The following SLC4A4 variants were observed in gnomAD, a reference collection of about 807,000 sequenced individuals.
SLC4A4 encodes solute carrier family 4 member 4, also known as electrogenic sodium bicarbonate cotransporter 1.
Under a neutral mutation model 111.5 loss-of-function variants are expected in SLC4A4, and 27 were observed. The observed-to-expected ratio is 0.24, with a 90% CI of 0.18 to 0.33. The LOEUF is 0.33. Ranked by LOEUF, SLC4A4 falls within the 10% of genes least tolerant of loss-of-function variation. The pLI, the probability that SLC4A4 is intolerant of heterozygous loss-of-function variation, is 1.00. For synonymous variants in SLC4A4, 443 were observed against 463.4 expected (o/e 0.96, Z 0.57); for missense variants, 909 against 1,315.5 (o/e 0.69, Z 4.78).
At chr4:71,096,379 G>A (rs534602961) in intron 2 of SLC4A4, among the ~76,000 whole-genome samples, 2 of 152,256 alleles carry the variant, frequency 1.3e-5, no homozygotes, top group African/African-American at 4.8e-5. Context: ...CTGACATTTA[G>A]TTGACAGGCA....
intron 2 of SLC4A4, among the ~76,000 whole-genome samples, chr4:71,243,497 A>G (rs1236663896): frequency 6.6e-6 from 1 of 152,166 alleles, no homozygotes; most frequent in Non-Finnish European, 1.5e-5. Flanking sequence ...TGTTGCTGTC[A>G]TGAGCTTGCT....
intron 18 of SLC4A4, among the ~76,000 whole-genome samples, chr4:71,545,295 T>C (rs1372401366): frequency 6.6e-6 from 1 of 151,936 alleles, no homozygotes; most frequent in Non-Finnish European, 1.5e-5. Flanking sequence ...AGGAGAGCAG[T>C]GTTGTGACGA....
rs368792873 is a variant in SLC4A4, at chr4:71,175,471, C to T, written c.-1-61105C>T. On this transcript the variant is annotated intron_variant, in intron 2 of 26. Coordinates refer to the SLC4A4 transcript ENST00000649996. Reference sequence around the variant, plus strand: ...AGATGACACCTGGAAAATTGGGTGACTCCCACCCTAATACTGCACTTTTCC... The same window carrying T: ...AGATGACACCTGGAAAATTGGGTGATTCCCACCCTAATACTGCACTTTTCC... Among the ~76,000 whole-genome samples the T allele has an allele frequency of 1.6e-3, 247 of 152,354 alleles. 1 individual carries two copies. The highest frequency in any genetic ancestry group is 5.6e-3 in the African/African-American group (234 of 41,578).
chr4:71,371,245 CTTT>C (rs71213506), intron 6 of SLC4A4, among the ~76,000 whole-genome samples: 5 of 120,032 alleles, frequency 4.2e-5, no homozygotes, highest in Admixed American at 2.9e-4. Context: ...CCAGGAATGC[CTTT>C]TTTTTTTTTT....
At chr4:71,068,868 G>T (rs1242254512) in intron 1 of SLC4A4, among the ~76,000 whole-genome samples, 1 of 152,122 alleles carries the variant, frequency 6.6e-6, no homozygotes, top group Non-Finnish European at 1.5e-5. Context: ...CTTAACATGG[G>T]ACAGCCATTT....
At position 71,377,086 on chromosome 4, in the gene SLC4A4, A is replaced by C. The variant is rs1028950972; in HGVS notation, c.730+19899A>C. On this transcript the variant is annotated intron_variant, in intron 6 of 25. Transcript: ENST00000264485. ...GGTTTATTGTTAAAGTGAATTAATG[A>C]ATAAATATTTAAAAATTTTTAGTTT... 2.0e-5 allele frequency among the ~76,000 whole-genome samples: 3 copies of C among 152,386 alleles called. No homozygotes were observed. The South Asian group carries it at 6.2e-4, about 32-fold the overall frequency.
At chr4:71,322,745 A>G (rs2148868473) in intron 3 of SLC4A4, among the ~76,000 whole-genome samples, 2 of 152,108 alleles carry the variant, frequency 1.3e-5, no homozygotes, top group Middle Eastern at 6.8e-3. Context: ...GGTGGTTATA[A>G]CATGCACAAG....
intron 8 of SLC4A4, among the ~76,000 whole-genome samples, chr4:71,444,894 T>C (rs1725083058): frequency 6.6e-6 from 1 of 152,052 alleles, no homozygotes; most frequent in South Asian, 2.1e-4. Flanking sequence ...TTCTCTCTAT[T>C]TATCATTTTA....
At chr4:71,101,979 C>T (rs898643478) in intron 2 of SLC4A4, among the ~76,000 whole-genome samples, 15 of 150,772 alleles carry the variant, frequency 9.9e-5, no homozygotes, top group African/African-American at 2.7e-4. Flanking sequence ...CTCTGAGCTA[C>T]GGGAGGACAT....
chr4:71,175,692 G>A (rs1745070352), intron 2 of SLC4A4, among the ~76,000 whole-genome samples: 1 of 152,208 alleles, frequency 6.6e-6, no homozygotes, highest in African/African-American at 2.4e-5. Flanking sequence ...AGCTCCAACT[G>A]GGTGGAGCCC....
intron 12 of SLC4A4, 130 bp from the exon 13 acceptor site, chr4:71,466,314 T>A: frequency 1.0e-6 from 1 of 1,004,998 alleles, no homozygotes; most frequent in Non-Finnish European, 1.5e-6. Flanking sequence ...AAGACTTTGT[T>A]CTTCATTCTT....
chr4:71,099,935 G>A (rs1214136859), intron 2 of SLC4A4, among the ~76,000 whole-genome samples: 1 of 152,014 alleles, frequency 6.6e-6, no homozygotes, highest in East Asian at 1.9e-4. Flanking sequence ...GACCAATAAT[G>A]AGCTCCAAAA....
At chr4:71,490,138 T>C (rs1311289465) in intron 15 of SLC4A4, among the ~76,000 whole-genome samples, 2 of 151,848 alleles carry the variant, frequency 1.3e-5, no homozygotes, top group Non-Finnish European at 1.5e-5. Flanking sequence ...CCAAATTCCT[T>C]AAAAGGTTCC....
At chr4:71,224,743 T>C (rs913613112) in intron 1 of SLC4A4, among the ~76,000 whole-genome samples, 1 of 152,208 alleles carries the variant, frequency 6.6e-6, no homozygotes, top group East Asian at 1.9e-4. Context: ...TTTGAAATTA[T>C]AAGAAGGCAT....
At position 71,557,721 on chromosome 4, in the gene SLC4A4, C is replaced by T. The variant is rs1203164637; in HGVS notation, c.2773C>T (p.Arg925Cys). The T allele has an allele frequency of 1.2e-6, 2 of 1,612,520 alleles. No homozygotes were observed. The highest frequency in any genetic ancestry group is 1.3e-5 in the African/African-American group (1 of 74,806). ...CCTCTTTCCTCCCCAGTTCATGGAT[C>T]GTCTGAAGCTGCTTCTGATGCCTCT... ...ASLNGVQFMD[R>C]LKLLLMPLKH... Residue 925 changes from arginine to cysteine, a missense_variant, in exon 22 of 26, where the codon CGT becomes TGT. Arg to Cys is a radical substitution (Grantham distance 180). Around this residue, in one of 7 missense-constraint regions of SLC4A4, gnomAD observed 104 missense variants for 219.5 expected, o/e 0.47. Transcript: ENST00000264485.
chr4:71,153,505 C>A (rs1744371816), intron 2 of SLC4A4, among the ~76,000 whole-genome samples: 1 of 152,102 alleles, frequency 6.6e-6, no homozygotes, highest in Non-Finnish European at 1.5e-5. Flanking sequence ...TGTCTCTGGC[C>A]ATTGGCTAGT....
At position 71,563,853 on chromosome 4, in the gene SLC4A4, C is replaced by T; in HGVS notation, c.3160C>T (p.Gln1054Ter). Reference protein sequence around the residue: ...SIKIPMDIMEQQPFLSDSKPS... With the variant: ...SIKIPMDIME ...TAAAATTCCAATGGACATCATGGAA[C>T]AGCAACCTTTCCTAAGCGATAGCAA... is the stretch of plus-strand genomic sequence containing the variant. Residue 1054 changes from glutamine to a stop codon, truncating the protein, a stop_gained, in exon 24 of 26, where the codon CAG (glutamine) becomes TAG (stop). Transcript: ENST00000264485. LOFTEE classifies it high-confidence loss of function. 6.2e-7 allele frequency: 1 copy of T among 1,611,366 alleles called. No homozygotes were observed. The highest frequency in any genetic ancestry group is 8.5e-7 in the Non-Finnish European group (1 of 1,178,148).
At chr4:71,078,808 G>GT (rs1276680542) in intron 1 of SLC4A4, among the ~76,000 whole-genome samples, 2 of 151,698 alleles carry the variant, frequency 1.3e-5, no homozygotes, top group Non-Finnish European at 1.5e-5. Flanking sequence ...TATAACAGGT[G>GT]TTTTTTATTG....
At chr4:71,472,408 A>G (rs1032790864) in intron 13 of SLC4A4, among the ~76,000 whole-genome samples, 1 of 151,960 alleles carries the variant, frequency 6.6e-6, no homozygotes, top group East Asian at 1.9e-4. Context: ...TATAAACTCT[A>G]TGAAGGTAGG....
Sources: allele counts gnomAD v4.1 joint callset (sites outside exome capture counted in the v4.1 genomes callset), GRCh38; gene constraint gnomAD v4.1.1; regional missense constraint gnomAD v4.1.1; transcripts MANE v1.5; gene names NCBI Gene and HGNC (gene_info 2026-07-23, HGNC 2026-07-21).